The following SORCS2 variants were observed in gnomAD, a reference collection of about 807,000 sequenced individuals.
SORCS2 encodes sortilin related VPS10 domain containing receptor 2, also known as VPS10 domain-containing receptor SorCS2.
A neutral mutation model predicts 141.6 loss-of-function variants in SORCS2; 100 were observed. The observed-to-expected ratio is 0.71, with a 90% confidence interval of 0.60 to 0.83. The LOEUF (loss-of-function observed/expected upper bound fraction) is 0.83, where lower values mean the gene tolerates loss of function less well. Among genes scored for constraint, SORCS2 ranks in the 40% least tolerant of loss-of-function variants. The pLI is 0.00. For missense variants in SORCS2, 1,646 were observed against 1,560.2 expected (o/e 1.05, Z -0.93); for synonymous variants, 789 against 676.9 (o/e 1.17, Z -2.57).
chr4:7,299,174 G>A lies in SORCS2; in HGVS notation c.481-97114G>A, dbSNP rs544222546. 3.3e-5 allele frequency among the ~76,000 whole-genome samples: 5 copies of A among 152,294 alleles called. No homozygotes were observed. In the South Asian group the frequency reaches 8.3e-4, roughly 25 times the overall value. On this transcript the variant is annotated intron_variant, in intron 1 of 26. Coordinates refer to ENST00000507866, the MANE Select transcript of SORCS2 (RefSeq NM_020777.3). Reference sequence around the variant, plus strand: ...AATAGGGATGCTTTGCAGTCAGGGCGGCCTGTCCGGGGCTGGGGGTGGGCC... The same window carrying A: ...AATAGGGATGCTTTGCAGTCAGGGCAGCCTGTCCGGGGCTGGGGGTGGGCC...
chr4:7,654,048 G>A (rs896042752), intron 4 of SORCS2, 86 bp from the exon 5 acceptor site: 23 of 1,222,846 alleles, frequency 1.9e-5, no homozygotes, highest in Non-Finnish European at 2.6e-5. Context: ...TGGGGGATCT[G>A]CTGTGGTGAA....
intron 3 of SORCS2, among the ~76,000 whole-genome samples, chr4:7,543,664 C>T (rs1712915072): frequency 6.8e-6 from 1 of 147,036 alleles, no homozygotes; most frequent in Admixed American, 6.8e-5. Flanking sequence ...ATCCACCCAC[C>T]CATCCATCCA....
chr4:7,420,978 C>T (rs747433539), intron 2 of SORCS2, among the ~76,000 whole-genome samples: 4 of 152,338 alleles, frequency 2.6e-5, no homozygotes, highest in South Asian at 4.1e-4. Context: ...TCAGCACGTG[C>T]GTACCAGCAG....
chr4:7,446,006 CT>C (rs5855963), intron 2 of SORCS2, among the ~76,000 whole-genome samples: 162 of 151,706 alleles, frequency 1.1e-3, no homozygotes, highest in African/African-American at 3.8e-3. Flanking sequence ...TTTGTCTTTT[CT>C]TTTTTTTCCT....
chr4:7,269,189 G>C (rs946587716), intron 1 of SORCS2, among the ~76,000 whole-genome samples: 1 of 152,242 alleles, frequency 6.6e-6, no homozygotes, highest in African/African-American at 2.4e-5. Context: ...TCCAGTGCTG[G>C]GATGAGGGCC....
chr4:7,416,875 G>C (rs1725729155), intron 2 of SORCS2, among the ~76,000 whole-genome samples: 1 of 151,416 alleles, frequency 6.6e-6, no homozygotes. Context: ...TGCATGCTCA[G>C]ACACACACAT....
intron 3 of SORCS2, among the ~76,000 whole-genome samples, chr4:7,541,495 T>G (rs1712656574): frequency 6.6e-6 from 1 of 152,188 alleles, no homozygotes; most frequent in Non-Finnish European, 1.5e-5. Flanking sequence ...GGGGTATCCC[T>G]AGCCTCCTCA....
At chr4:7,476,735 C>T (rs1341274502) in intron 2 of SORCS2, among the ~76,000 whole-genome samples, 1 of 152,178 alleles carries the variant, frequency 6.6e-6, no homozygotes, top group Admixed American at 6.5e-5. Context: ...TGCCACACCT[C>T]TCTAAGCAGG....
intron 12 of SORCS2, among the ~76,000 whole-genome samples, chr4:7,697,805 G>A (rs976060479): frequency 2.6e-5 from 4 of 152,040 alleles, no homozygotes; most frequent in African/African-American, 7.2e-5. Context: ...TCTGGGTTGG[G>A]GTGTCTGGGG....
chr4:7,611,845 A>G (rs565103588), intron 3 of SORCS2, among the ~76,000 whole-genome samples: 1 of 152,394 alleles, frequency 6.6e-6, no homozygotes, highest in African/African-American at 2.4e-5. Context: ...CTGTTAGGAC[A>G]GAGGCCATAG....
intron 1 of SORCS2, among the ~76,000 whole-genome samples, chr4:7,232,271 A>T (rs1403934977): frequency 6.6e-6 from 1 of 152,074 alleles, no homozygotes; most frequent in Non-Finnish European, 1.5e-5. Flanking sequence ...GGCCAGGAGG[A>T]AGGGGGACAC....
intron 6 of SORCS2, among the ~76,000 whole-genome samples, chr4:7,662,410 C>A (rs1722235937): frequency 6.6e-6 from 1 of 152,146 alleles, no homozygotes; most frequent in Admixed American, 6.5e-5. Context: ...GAATTTCTTA[C>A]CTTTGACCTC....
chr4:7,607,468 C>T (rs981550409), intron 3 of SORCS2, among the ~76,000 whole-genome samples: 1 of 152,170 alleles, frequency 6.6e-6, no homozygotes, highest in Admixed American at 6.5e-5. Context: ...CCCCTTTGAC[C>T]TCCCGCCCCA....
At chr4:7,666,984 G>A (rs1221485150) in intron 7 of SORCS2, 140 bp from the exon 8 acceptor site, 8 of 756,000 alleles carry the variant, frequency 1.1e-5, no homozygotes, top group Non-Finnish European at 9.1e-6. Context: ...ATAGGAGTCT[G>A]TTCATTTCAA....
intron 1 of SORCS2, among the ~76,000 whole-genome samples, chr4:7,207,090 AGCC>A (rs1727785875): frequency 6.6e-6 from 1 of 152,128 alleles, no homozygotes; most frequent in Non-Finnish European, 1.5e-5. Context: ...TGTACACGCC[AGCC>A]CTGTGCTGAG....
At chr4:7,553,966 T>G (rs1346364267) in intron 3 of SORCS2, among the ~76,000 whole-genome samples, 5 of 152,166 alleles carry the variant, frequency 3.3e-5, no homozygotes, top group Non-Finnish European at 4.4e-5. Flanking sequence ...AATTAGGAGG[T>G]TCATCGCCCA....
At chr4:7,517,342 T>C (rs575641736) in intron 2 of SORCS2, among the ~76,000 whole-genome samples, 1 of 152,300 alleles carries the variant, frequency 6.6e-6, no homozygotes, top group South Asian at 2.1e-4. Flanking sequence ...TTGTGTTAAT[T>C]GTGTCTTATT....
chr4:7,589,509 T>A (rs1189867628), intron 3 of SORCS2, among the ~76,000 whole-genome samples: 1 of 152,184 alleles, frequency 6.6e-6, no homozygotes, highest in East Asian at 1.9e-4. Flanking sequence ...TTCAAGCGAT[T>A]CTTCTGCCTC....
intron 18 of SORCS2, among the ~76,000 whole-genome samples, chr4:7,718,643 G>A (rs1726364258): frequency 6.6e-6 from 1 of 152,218 alleles, no homozygotes; most frequent in Admixed American, 6.5e-5. Flanking sequence ...TCCTGTGTGT[G>A]CATGGACAGA....
Sources: allele counts gnomAD v4.1 joint callset (sites outside exome capture counted in the v4.1 genomes callset), GRCh38; gene constraint gnomAD v4.1.1; transcripts MANE v1.5; gene names NCBI Gene and HGNC (gene_info 2026-07-23, HGNC 2026-07-21).